The following SERPINB7 variants were observed in gnomAD, a reference collection of about 807,000 sequenced individuals.
SERPINB7 encodes the protein serpin family B member 7, also known as serpin B7.
SERPINB7 carries 31 observed loss-of-function variants against 37.4 expected under a neutral mutation model. The observed-to-expected ratio is 0.83, with a 90% CI of 0.62 to 1.12. The LOEUF is 1.12. Ranked by LOEUF, SERPINB7 falls within the 50% of genes most tolerant of loss-of-function variation. The pLI is 0.00. For missense variants in SERPINB7, 521 were observed against 455.3 expected, an observed-to-expected ratio of 1.14 and a Z score of -1.31; for synonymous variants, 163 against 166.1, an observed-to-expected ratio of 0.98 and a Z score of 0.14.
chr18:63,777,657 A>G (rs978409835), intron 1 of SERPINB7: 1 of 152,452 alleles, frequency 6.6e-6, no homozygotes, highest in South Asian at 2.1e-4. Flanking sequence ...ATTGCTCTAT[A>G]AAGCATCTGA....
At chr18:63,783,266 GAAA>G (rs2049330857) in intron 2 of SERPINB7, among the ~76,000 whole-genome samples, 1 of 148,024 alleles carries the variant, frequency 6.8e-6, no homozygotes, top group African/African-American at 2.6e-5. Flanking sequence ...AAGAAAGAAA[GAAA>G]GAAAGAAAGA....
chr18:63,767,716 T>C (rs1227640832), intron 1 of SERPINB7, among the ~76,000 whole-genome samples: 1 of 152,064 alleles, frequency 6.6e-6, no homozygotes, highest in Non-Finnish European at 1.5e-5. Flanking sequence ...TTATTTCTCA[T>C]TTTCTGGAAA....
chr18:63,772,733 C>G (rs1257989858), upstream of SERPINB7, among the ~76,000 whole-genome samples: 2 of 152,084 alleles, frequency 1.3e-5, no homozygotes, highest in Non-Finnish European at 2.9e-5. Flanking sequence ...AAAGGTAGCA[C>G]TGATAACAAT....
chr18:63,785,599 G>A (rs1202165256), intron 2 of SERPINB7, among the ~76,000 whole-genome samples: 1 of 152,004 alleles, frequency 6.6e-6, no homozygotes, highest in Non-Finnish European at 1.5e-5. Context: ...TCAAGAATCA[G>A]TGTGCTTGAG....
chr18:63,782,626 G>A, intron 2 of SERPINB7, 86 bp downstream of exon 2: 2 of 1,343,406 alleles, frequency 1.5e-6, no homozygotes, highest in Admixed American at 2.0e-5. Context: ...CATGTTAATG[G>A]AGGTCATCAT....
intron 2 of SERPINB7, among the ~76,000 whole-genome samples, chr18:63,783,736 G>A (rs1555694304): frequency 6.6e-6 from 1 of 152,144 alleles, no homozygotes; most frequent in Non-Finnish European, 1.5e-5. Flanking sequence ...CAGAGGCCTT[G>A]ATGTCGTCCC....
At chr18:63,782,952 C>A (rs1361984260) in intron 2 of SERPINB7, among the ~76,000 whole-genome samples, 1 of 151,790 alleles carries the variant, frequency 6.6e-6, no homozygotes. Context: ...TCCTGGCTAA[C>A]ACGGTGAAAC....
intron 1 of SERPINB7, among the ~76,000 whole-genome samples, chr18:63,765,860 G>C (rs1298622410): frequency 6.6e-6 from 1 of 152,088 alleles, no homozygotes; most frequent in Non-Finnish European, 1.5e-5. Flanking sequence ...GGATTAATTT[G>C]ACAGGTTTCA....
intron 1 of SERPINB7, among the ~76,000 whole-genome samples, chr18:63,757,072 T>C (rs1270114736): frequency 6.6e-6 from 1 of 152,160 alleles, no homozygotes; most frequent in Non-Finnish European, 1.5e-5. Context: ...TAGAGTTGTT[T>C]GTTTTTTTTC....
At chr18:63,756,513 A>G (rs1353596156) in intron 1 of SERPINB7, among the ~76,000 whole-genome samples, 1 of 152,176 alleles carries the variant, frequency 6.6e-6, no homozygotes, top group African/African-American at 2.4e-5. Context: ...AGCCCAAACC[A>G]GTCTCTTATT....
chr18:63,794,553 G>A (rs571468087), intron 4 of SERPINB7, among the ~76,000 whole-genome samples: 19 of 152,202 alleles, frequency 1.2e-4, no homozygotes, highest in Non-Finnish European at 2.1e-4. Flanking sequence ...AGCCGGGCGC[G>A]GTGGCAGGCG....
At chr18:63,761,716 G>C (rs1054827773) in intron 1 of SERPINB7, among the ~76,000 whole-genome samples, 8 of 152,148 alleles carry the variant, frequency 5.3e-5, no homozygotes, top group Admixed American at 1.3e-4. Flanking sequence ...ATTTATCAGG[G>C]GTTTCCGCTT....
At chr18:63,758,675 G>A (rs1207535283) in intron 1 of SERPINB7, among the ~76,000 whole-genome samples, 1 of 152,122 alleles carries the variant, frequency 6.6e-6, no homozygotes, top group East Asian at 1.9e-4. Context: ...ATATTATCTG[G>A]GTCTCTGCTA....
In SERPINB7 at chr18:63,758,314, C is replaced by G. The variant is rs562099772; in HGVS notation, c.-19+5194C>G. Among the ~76,000 whole-genome samples, 10 of 152,282 alleles carry G rather than the reference C, an allele frequency of 6.6e-5. No individual in the cohort carries two copies. In the South Asian group the frequency reaches 1.9e-3, roughly 28 times the overall value. Reference sequence around the variant, plus strand: ...GCAGACATCAACAACAGCAATGGAACAGATATCTTTTTCCTCAGATGCTTG... The same window carrying G: ...GCAGACATCAACAACAGCAATGGAAGAGATATCTTTTTCCTCAGATGCTTG... On this transcript the variant is annotated intron_variant, in intron 1 of 7. Coordinates refer to the SERPINB7 transcript ENST00000336429.
At chr18:63,769,022 G>GT (rs1277821546) in intron 1 of SERPINB7, among the ~76,000 whole-genome samples, 1 of 152,088 alleles carries the variant, frequency 6.6e-6, no homozygotes, top group East Asian at 1.9e-4. Context: ...TTTGTTTAAA[G>GT]TTTTTAGCTA....
chr18:63,775,951 A>G (rs2049243014), intron 1 of SERPINB7, among the ~76,000 whole-genome samples: 1 of 151,982 alleles, frequency 6.6e-6, no homozygotes, highest in Non-Finnish European at 1.5e-5. Context: ...TGCTGGAGAG[A>G]ACACTGTGAC....
At chr18:63,801,038 A>T (rs1263263546) in intron 7 of SERPINB7, 26 bp downstream of exon 7, 12 of 1,607,902 alleles carry the variant, frequency 7.5e-6, no homozygotes, top group Non-Finnish European at 1.0e-5. Flanking sequence ...CATTTTCACT[A>T]TTGGGAAATA....
At chr18:63,776,778 G>A (rs2049252555) in intron 1 of SERPINB7, among the ~76,000 whole-genome samples, 1 of 151,764 alleles carries the variant, frequency 6.6e-6, no homozygotes, top group Non-Finnish European at 1.5e-5. Flanking sequence ...AGTGTACTAT[G>A]ATATACTTTT....
chr18:63,753,376 A>G (rs2049103071), intron 1 of SERPINB7, among the ~76,000 whole-genome samples: 1 of 152,166 alleles, frequency 6.6e-6, no homozygotes, highest in Admixed American at 6.5e-5. Flanking sequence ...GGCCGCATCT[A>G]TAACATTGGC....
Sources: allele counts gnomAD v4.1 joint callset (sites outside exome capture counted in the v4.1 genomes callset), GRCh38; gene constraint gnomAD v4.1.1; transcripts MANE v1.5; gene names NCBI Gene and HGNC (gene_info 2026-07-23, HGNC 2026-07-21).